The following BORCS5 variants were observed in gnomAD, a reference collection of about 807,000 sequenced individuals.
BORCS5 encodes the protein BLOC-1-related complex subunit 5.
A neutral mutation model predicts 22.1 loss-of-function variants in BORCS5; 17 were observed. That is an observed-to-expected ratio of 0.77 (90% CI 0.53 to 1.15). The LOEUF is 1.15. Among genes scored for constraint, BORCS5 ranks in the 50% most tolerant of loss-of-function variants. The probability of loss-of-function intolerance (pLI) is 0.00; values close to 1 mark genes in which losing one functional copy is unlikely to be tolerated. For synonymous variants in BORCS5, 117 were observed against 99.8 expected (o/e 1.17, Z -1.03); for missense variants, 247 against 253.2 (o/e 0.98, Z 0.17).
chr12:12,389,614 G>A (rs902738862), intron 2 of BORCS5, among the ~76,000 whole-genome samples: 1 of 151,738 alleles, frequency 6.6e-6, no homozygotes, highest in Non-Finnish European at 1.5e-5. Context: ...AAGATCTCAA[G>A]CAGCCTTTAT....
rs577266662 is a variant in BORCS5, at chr12:12,396,951, A to G, written c.202+35602A>G. On this transcript the variant is annotated intron_variant, in intron 2 of 3. Coordinates refer to ENST00000314565, the MANE Select transcript of BORCS5 (RefSeq NM_058169.6). ...CACCTGAGCAATTTTCTATAATTAC[A>G]ACTTTCAAGGCCTTTTCCTTTGTCT... Among the ~76,000 whole-genome samples, 12 of 152,322 alleles carry G rather than the reference A, an allele frequency of 7.9e-5. No individual in the cohort carries two copies. The South Asian group carries it at 2.5e-3, about 32-fold the overall frequency.
intron 2 of BORCS5, among the ~76,000 whole-genome samples, chr12:12,368,327 C>T (rs953313418): frequency 6.6e-6 from 1 of 151,686 alleles, no homozygotes; most frequent in African/African-American, 2.4e-5. Flanking sequence ...CCTCTCTGCA[C>T]AGCATTTTGC....
chr12:12,359,582 G>A (rs1425490524), intron 1 of BORCS5, among the ~76,000 whole-genome samples: 3 of 150,832 alleles, frequency 2.0e-5, no homozygotes, highest in Non-Finnish European at 4.4e-5. Context: ...GGCTGATCTC[G>A]AACTCCTGAC....
intron 2 of BORCS5, among the ~76,000 whole-genome samples, chr12:12,370,099 TACACACACACACACACAC>T (rs56408181): frequency 1.9e-4 from 27 of 145,408 alleles, no homozygotes; most frequent in African/African-American, 4.0e-4. Context: ...AGTGGTTTTA[TACACACACACACACACAC>T]ACACACACAC....
intron 3 of BORCS5, among the ~76,000 whole-genome samples, chr12:12,463,097 A>G (rs897808572): frequency 1.3e-5 from 2 of 152,212 alleles, no homozygotes; most frequent in Non-Finnish European, 2.9e-5. Flanking sequence ...GCAAATAAGG[A>G]TATATCCCTA....
chr12:12,412,914 T>C, intron 2 of BORCS5, among the ~76,000 whole-genome samples: 1 of 143,246 alleles, frequency 7.0e-6, no homozygotes, highest in Non-Finnish European at 1.5e-5. Flanking sequence ...TTTTTTTTTT[T>C]TTTTTTTTTT....
chr12:12,418,975 T>C (rs1049351150), intron 2 of BORCS5, among the ~76,000 whole-genome samples: 21 of 152,230 alleles, frequency 1.4e-4, no homozygotes, highest in African/African-American at 4.1e-4. Flanking sequence ...GTCTTCTGTG[T>C]TGATTTTTTG....
intron 3 of BORCS5, among the ~76,000 whole-genome samples, chr12:12,448,098 ACAGTTGTCGAAGTGGAG>A (rs1307573836): frequency 6.6e-6 from 1 of 152,220 alleles, no homozygotes; most frequent in Non-Finnish European, 1.5e-5. Flanking sequence ...TCCCGGTTAC[ACAGTTGTCGAAGTGGAG>A]CTGGGATGCA....
chr12:12,441,372 T>C (rs1458672821), intron 3 of BORCS5, among the ~76,000 whole-genome samples: 1 of 152,198 alleles, frequency 6.6e-6, no homozygotes, highest in East Asian at 1.9e-4. Context: ...CATCTCTGAC[T>C]ACCTGTGTGA....
chr12:12,453,010 A>G (rs1942939693), intron 3 of BORCS5, among the ~76,000 whole-genome samples: 1 of 152,332 alleles, frequency 6.6e-6, no homozygotes, highest in South Asian at 2.1e-4. Context: ...GGAGACAGCT[A>G]ATACCATGAG....
At chr12:12,461,111 T>G (rs953861705) in intron 3 of BORCS5, among the ~76,000 whole-genome samples, 7 of 152,108 alleles carry the variant, frequency 4.6e-5, no homozygotes, top group African/African-American at 1.7e-4. Flanking sequence ...GTTTGAAGTA[T>G]GAGCTTGAGT....
intron 2 of BORCS5, among the ~76,000 whole-genome samples, chr12:12,406,352 C>G (rs936167361): frequency 6.6e-6 from 1 of 152,326 alleles, no homozygotes; most frequent in Non-Finnish European, 1.5e-5. Flanking sequence ...TAGCAATTAT[C>G]TGCTATAAGT....
At chr12:12,416,206 T>C (rs1467658959) in intron 2 of BORCS5, among the ~76,000 whole-genome samples, 1 of 152,158 alleles carries the variant, frequency 6.6e-6, no homozygotes, top group African/African-American at 2.4e-5. Flanking sequence ...GAGTTGTCTC[T>C]CTTTTTTCTT....
At chr12:12,438,302 A>G (rs1173728365) in intron 3 of BORCS5, among the ~76,000 whole-genome samples, 1 of 146,188 alleles carries the variant, frequency 6.8e-6, no homozygotes, top group Non-Finnish European at 1.5e-5. Flanking sequence ...TGGAGGTTAC[A>G]GTGAGCCCAG....
rs151209120 is a variant in BORCS5 at position 12,398,284 on chromosome 12, A to AT, written c.202+36945dup. On this transcript the variant is annotated intron_variant, in intron 2 of 3. Transcript: ENST00000314565. ...ACTTGGCAAGAAGCAACTCTTTAAAATTTTTTTTTTCCATACAAATAGTAC... is the reference window on the plus strand; with the variant it reads ...ACTTGGCAAGAAGCAACTCTTTAAAATTTTTTTTTTTCCATACAAATAGTAC... 5.9e-5 allele frequency among the ~76,000 whole-genome samples: 9 copies of AT among 151,344 alleles called. No homozygotes were observed. The East Asian group carries it at 7.7e-4, about 13-fold the overall frequency.
At chr12:12,432,046 A>G (rs1942444305) in intron 2 of BORCS5, among the ~76,000 whole-genome samples, 3 of 152,140 alleles carry the variant, frequency 2.0e-5, no homozygotes, top group Admixed American at 2.0e-4. Context: ...ACCCTATGTG[A>G]TATGAGTTAT....
At chr12:12,416,699 G>A (rs1015305137) in intron 2 of BORCS5, among the ~76,000 whole-genome samples, 9 of 151,516 alleles carry the variant, frequency 5.9e-5, no homozygotes, top group East Asian at 1.9e-4. Flanking sequence ...GGGCTCAAGC[G>A]ATCCTTCCAC....
At chr12:12,364,599 G>A (rs1863365259) in intron 2 of BORCS5, among the ~76,000 whole-genome samples, 2 of 47,500 alleles carry the variant, frequency 4.2e-5, no homozygotes, top group Admixed American at 3.4e-4. Flanking sequence ...GCTGTAATTC[G>A]TTTTATGATT....
At chr12:12,448,812 C>A (rs2136143246) in intron 3 of BORCS5, among the ~76,000 whole-genome samples, 1 of 152,262 alleles carries the variant, frequency 6.6e-6, no homozygotes, top group East Asian at 1.9e-4. Flanking sequence ...CAGGCGTGAG[C>A]CACTGTGCCT....
Sources: allele counts gnomAD v4.1 joint callset (sites outside exome capture counted in the v4.1 genomes callset), GRCh38; gene constraint gnomAD v4.1.1; transcripts MANE v1.5; gene names NCBI Gene and HGNC (gene_info 2026-07-23, HGNC 2026-07-21).